The following MTG1 variants were observed in gnomAD, a reference collection of about 807,000 sequenced individuals.
MTG1 encodes the protein mitochondrial ribosome-associated GTPase 1.
Under a neutral mutation model 39.5 loss-of-function variants are expected in MTG1, and 30 were observed. The observed-to-expected ratio is 0.76, with a 90% CI of 0.57 to 1.03. MTG1 has a LOEUF of 1.03. Among genes scored for constraint, MTG1 ranks in the 50% least tolerant of loss-of-function variants. The pLI is 0.00. For synonymous variants in MTG1, 217 were observed against 179.0 expected, an observed-to-expected ratio of 1.21 and a Z score of -1.69; for missense variants, 513 against 447.4, an observed-to-expected ratio of 1.15 and a Z score of -1.32.
chr10:133,409,709 G>A (rs1046065322), intron 9 of MTG1, among the ~76,000 whole-genome samples: 1 of 152,150 alleles, frequency 6.6e-6, no homozygotes, highest in Non-Finnish European at 1.5e-5. Context: ...CTGGTGTTGG[G>A]TGCATAGATA....
chr10:133,402,866 A>C lies in MTG1; in HGVS notation c.752+93A>C. ...AAACAAAAAAACCCCCAGCATTATA[A>C]AGGTATTATAAACACGGTAACCTGC... is the stretch of plus-strand genomic sequence containing the variant. On this transcript the variant is annotated intron_variant, in intron 9 of 10. Transcript: ENST00000317502. The surrounding 1 kb of genome is among the most constrained non-coding windows in gnomAD (Gnocchi z 4.7). 1.0e-6 allele frequency: 1 copy of C among 974,804 alleles called. No individual in the cohort carries two copies. The highest frequency in any genetic ancestry group is 1.5e-6 in the Non-Finnish European group (1 of 660,768). 60.4% of individuals were successfully genotyped at this position (974,804 alleles called of 1,614,324 possible).
At chr10:133,415,497 C>G (rs183624006) in intron 9 of MTG1, among the ~76,000 whole-genome samples, 2 of 151,988 alleles carry the variant, frequency 1.3e-5, no homozygotes, top group Non-Finnish European at 2.9e-5. Flanking sequence ...TTCTCACTTG[C>G]GTGGTGTCTG....
chr10:133,410,966 A>AT (rs1047414507), intron 9 of MTG1, among the ~76,000 whole-genome samples: 5 of 151,598 alleles, frequency 3.3e-5, no homozygotes, highest in African/African-American at 1.2e-4. Flanking sequence ...TTTTTGATAC[A>AT]TTTTTCTTTT....
At chr10:133,395,850 T>C in intron 2 of MTG1, 73 bp downstream of exon 2, 1 of 1,497,502 alleles carries the variant, frequency 6.7e-7, no homozygotes, top group Non-Finnish European at 9.2e-7. Context: ...CTGGGGAGGC[T>C]TTTAAAAATA....
rs1564820179 is a variant in MTG1 at position 133,403,350 on chromosome 10, CCG to C, written c.752+578_752+579del. On this transcript the variant is annotated intron_variant, in intron 9 of 10. Coordinates refer to ENST00000317502, the MANE Select transcript of MTG1 (RefSeq NM_138384.4). ...CGTGAAATCAAGGAAATGAGCGTTC[CCG>C]TCACCCCCAGTCCCTGCTCCTCCTT... Among the ~76,000 whole-genome samples, 5 of 135,194 alleles carry C rather than the reference CCG, an allele frequency of 3.7e-5. No homozygotes were observed. The East Asian group carries it at 9.0e-4, about 24-fold the overall frequency. 88.7% of individuals were successfully genotyped at this position (135,194 alleles called of 152,430 possible).
chr10:133,414,626 G>A lies in MTG1; in HGVS notation c.753-4854G>A, dbSNP rs189486528. Among the ~76,000 whole-genome samples the A allele has an allele frequency of 2.7e-3, 408 of 149,360 alleles. 1 individual carries two copies. Among genetic ancestry groups the A allele is most frequent in the African/African-American group, 9.9e-3 (396 of 40,170 alleles). Reference sequence around the variant, plus strand: ...GATGGGATGGCGGCCGGGAAGAGGCGCTCATCACTTCCCAGACTGGGCAGC... The same window carrying A: ...GATGGGATGGCGGCCGGGAAGAGGCACTCATCACTTCCCAGACTGGGCAGC... On this transcript the variant is annotated intron_variant, in intron 9 of 10. Transcript: ENST00000317502.
At chr10:133,411,607 G>A (rs1051604506) in intron 9 of MTG1, among the ~76,000 whole-genome samples, 1 of 152,060 alleles carries the variant, frequency 6.6e-6, no homozygotes, top group Non-Finnish European at 1.5e-5. Context: ...GCAGTTTTCT[G>A]TATCTTGCAT....
At chr10:133,411,701 T>A (rs1850049263) in intron 9 of MTG1, among the ~76,000 whole-genome samples, 1 of 152,116 alleles carries the variant, frequency 6.6e-6, no homozygotes, top group South Asian at 2.1e-4. Context: ...GCTCACTGAT[T>A]TTTTCCTCTG....
At chr10:133,414,398 GTCA>G (rs1850091002) in intron 9 of MTG1, among the ~76,000 whole-genome samples, 1 of 152,190 alleles carries the variant, frequency 6.6e-6, no homozygotes, top group Admixed American at 6.5e-5. Context: ...AACCGCCATT[GTCA>G]TCATGGCCTG....
Position 133,421,908 on chromosome 10 carries a change from G to C in MTG1, c.*1743G>C, listed in dbSNP as rs555764975. The stretch of plus-strand genomic sequence containing the variant: ...GTGAGATCCCAAGGCCACGGCGGGG[G>C]GCAGGGAGAACCCCTCCTACCCTGG... On this transcript the variant is annotated 3_prime_UTR_variant, in exon 11 of 11. Transcript: ENST00000317502. The C allele has an allele frequency of 6.8e-6, 1 of 147,286 alleles. No homozygotes were observed. The highest frequency in any genetic ancestry group is 2.5e-5 in the African/African-American group (1 of 40,610). The allele number at this position is 147,286 out of a possible 1,614,324, so 9.1% of individuals were successfully genotyped here.
At chr10:133,412,279 ACT>A (rs1376781337) in intron 9 of MTG1, among the ~76,000 whole-genome samples, 22 of 150,680 alleles carry the variant, frequency 1.5e-4, no homozygotes, top group African/African-American at 5.4e-4. Context: ...CCCTCTATTA[ACT>A]CTTCGCTATT....
intron 7 of MTG1, chr10:133,401,908 T>C: frequency 1.6e-6 from 1 of 608,532 alleles, no homozygotes. Context: ...TTCCTTGTGT[T>C]CTCCTTGGGA....
chr10:133,399,594 C>T lies in MTG1; in HGVS notation c.486C>T (p.Ser162=), dbSNP rs971614701. 3 of 1,614,066 alleles carry T rather than the reference C, an allele frequency of 1.9e-6. No individual in the cohort carries two copies. Among genetic ancestry groups the T allele is most frequent in the Admixed American group, 1.7e-5 (1 of 60,002 alleles). ...PNVGKSSLIN[S]LRRQHLRKGK... is the part of the protein sequence containing the mutation. ...TGGGCAAGTCCTCCCTCATCAACTCCCTCCGGAGGCAGCACCTCAGGAAAG... is the reference window on the plus strand; with the variant it reads ...TGGGCAAGTCCTCCCTCATCAACTCTCTCCGGAGGCAGCACCTCAGGAAAG... Residue 162 remains serine, a synonymous_variant, in exon 6 of 11, where the codon TCC becomes TCT. Transcript: ENST00000317502.
At chr10:133,401,315 A>C in intron 6 of MTG1, 2 of 473,840 alleles carry the variant, frequency 4.2e-6, no homozygotes, top group South Asian at 3.7e-5. Context: ...AAAGTGAAAC[A>C]AATTATAGCC....
At chr10:133,415,709 TGTA>T (rs1298192564) in intron 9 of MTG1, among the ~76,000 whole-genome samples, 1 of 152,254 alleles carries the variant, frequency 6.6e-6, no homozygotes, top group Admixed American at 6.5e-5. Context: ...TCCTTGTGCT[TGTA>T]GTTCATTGAG....
At chr10:133,413,927 T>A (rs1251942913) in intron 9 of MTG1, among the ~76,000 whole-genome samples, 2 of 151,604 alleles carry the variant, frequency 1.3e-5, no homozygotes, top group Non-Finnish European at 2.9e-5. Context: ...TCTTTTTTTT[T>A]TTTTTTTATT....
chr10:133,418,323 G>T (rs1250091932), intron 9 of MTG1, among the ~76,000 whole-genome samples: 1 of 152,186 alleles, frequency 6.6e-6, no homozygotes, highest in African/African-American at 2.4e-5. Context: ...CATGTATTTT[G>T]AGTTTCACCT....
In MTG1 at chr10:133,398,448, A is replaced by C. The variant is rs766548134; in HGVS notation, c.296A>C (p.His99Pro). 2 of 1,612,312 alleles carry C rather than the reference A, an allele frequency of 1.2e-6. No individual in the cohort carries two copies. The highest frequency in any genetic ancestry group is 1.7e-6 in the Non-Finnish European group (2 of 1,179,574). The change falls in exon 4 of 11, where the codon CAC (histidine) becomes CCC (proline). Residue 99 changes from histidine (H) to proline (P), a missense_variant. Physicochemically the swap from His to Pro is moderately conservative, Grantham distance 77. Transcript: ENST00000317502. ...DLTEQQKIMQ[H>P]LEGEGLKNVI... ...TGTGTCTTTCAGAAAATTATGCAAC[A>C]CTTAGAAGGAGAAGGCCTAAAAAAT... is the stretch of plus-strand genomic sequence containing the variant.
At chr10:133,416,930 A>G (rs1250573074) in intron 9 of MTG1, among the ~76,000 whole-genome samples, 87 of 152,092 alleles carry the variant, frequency 5.7e-4, no homozygotes, top group African/African-American at 1.9e-3. Context: ...GTAATGGGAT[A>G]GCTGGGTCAA....
Sources: gnomAD v4.1 joint callset for allele counts (sites outside exome capture counted in the v4.1 genomes callset) on GRCh38, gnomAD v4.1.1 for gene constraint, Gnocchi (gnomAD v3.1) non-coding constraint, MANE v1.5 for transcripts, NCBI Gene and HGNC (gene_info 2026-07-23, HGNC 2026-07-21) for gene names.